The following TLCD4 variants were observed in gnomAD, a reference collection of about 807,000 sequenced individuals.
TLCD4 encodes the protein TLC domain containing 4.
TLCD4 carries 7 observed loss-of-function variants against 24.2 expected under a neutral mutation model. The ratio of observed to expected loss-of-function variants is 0.29; its 90% CI spans 0.16 to 0.54. The LOEUF is 0.54. TLCD4 is among the 20% of genes least tolerant of loss of function. The pLI is 0.95. For missense variants in TLCD4, 259 were observed against 313.9 expected (o/e 0.82, Z 1.32); for synonymous variants, 103 against 106.4 (o/e 0.97, Z 0.20).
At chr1:95,093,010 A>G in the TLCD4 span, among the ~76,000 whole-genome samples, 2 of 152,228 alleles carry the variant, frequency 1.3e-5, no homozygotes, top group Non-Finnish European at 2.9e-5. Context: ...GAGTGCTGGG[A>G]TTACAGGTGT....
intron 1 of TLCD4, chr1:95,125,748 T>C (rs943140299): frequency 3.9e-5 from 6 of 152,208 alleles, no homozygotes; most frequent in Non-Finnish European, 7.3e-5. Context: ...AGGCCAAGGG[T>C]TAAATCAAGA....
chr1:95,092,773 G>A, the TLCD4 span, among the ~76,000 whole-genome samples: 1 of 152,208 alleles, frequency 6.6e-6, no homozygotes, highest in African/African-American at 2.4e-5. Context: ...AAGTCAGTAA[G>A]ACCAAGAACC....
At chr1:95,111,317 AC>A in the TLCD4 span, among the ~76,000 whole-genome samples, 4,955 of 140,072 alleles carry the variant, frequency 0.035, 115 homozygotes, top group Non-Finnish European at 0.055. Flanking sequence ...ACAAAACAAA[AC>A]AAAAAAAAAG....
chr1:95,183,205 A>G (rs906534080), intron 6 of TLCD4, among the ~76,000 whole-genome samples: 8 of 152,234 alleles, frequency 5.3e-5, no homozygotes, highest in African/African-American at 1.9e-4. Context: ...ATAAGAGTCC[A>G]TATTAAGCTG....
Position 95,132,468 on chromosome 1 carries a change from A to G in TLCD4, c.-11-11423A>G, listed in dbSNP as rs577945283. On this transcript the variant is annotated intron_variant, in intron 1 of 6. Coordinates refer to ENST00000370203, the MANE Select transcript of TLCD4 (RefSeq NM_152487.3). The stretch of plus-strand genomic sequence containing the variant: ...TGAGACTCCAACTCAAAAAAAAAAA[A>G]AAAAAAAAAAGTAGTCTCAGATGTT... Among the ~76,000 whole-genome samples, 3 of 151,952 alleles carry G rather than the reference A, an allele frequency of 2.0e-5. No individual in the cohort carries two copies. The East Asian group carries it at 5.8e-4, about 30-fold the overall frequency.
chr1:95,136,243 T>A (rs571262594), intron 1 of TLCD4, among the ~76,000 whole-genome samples: 1 of 152,128 alleles, frequency 6.6e-6, no homozygotes, highest in African/African-American at 2.4e-5. Flanking sequence ...GCCTGAAATT[T>A]GTTTTTTTTT....
At chr1:95,096,884 A>G in the TLCD4 span, among the ~76,000 whole-genome samples, 1 of 152,194 alleles carries the variant, frequency 6.6e-6, no homozygotes, top group Non-Finnish European at 1.5e-5. Flanking sequence ...GGTAGTGGAA[A>G]GCCTACTGGA....
At chr1:95,133,448 C>G (rs1332924378) in intron 1 of TLCD4, among the ~76,000 whole-genome samples, 3 of 151,406 alleles carry the variant, frequency 2.0e-5, no homozygotes, top group African/African-American at 7.3e-5. Flanking sequence ...TAATGTGGAG[C>G]AAAAGATTCC....
chr1:95,166,534 A>G (rs1326907444), intron 5 of TLCD4, among the ~76,000 whole-genome samples: 1 of 152,164 alleles, frequency 6.6e-6, no homozygotes, highest in African/African-American at 2.4e-5. Context: ...GTAAAATAGC[A>G]GTGTTCATTA....
intron 1 of TLCD4, among the ~76,000 whole-genome samples, chr1:95,129,319 A>G (rs1471464078): frequency 6.6e-6 from 1 of 152,218 alleles, no homozygotes; most frequent in Non-Finnish European, 1.5e-5. Flanking sequence ...AATAGAGAAT[A>G]AAAATATAAA....
At chr1:95,149,096 A>G (rs549342268) in intron 3 of TLCD4, among the ~76,000 whole-genome samples, 1 of 152,318 alleles carries the variant, frequency 6.6e-6, no homozygotes, top group African/African-American at 2.4e-5. Context: ...TTCTGAAGAA[A>G]AATAAATCAT....
At chr1:95,126,418 ACT>A (rs35098170) in intron 1 of TLCD4, among the ~76,000 whole-genome samples, 10,971 of 126,472 alleles carry the variant, frequency 0.087, 492 homozygotes, top group Non-Finnish European at 0.11. Flanking sequence ...ACAGAACGAG[ACT>A]CTGTCTCAGG....
Position 95,138,263 on chromosome 1 carries a change from T to A in TLCD4, c.-11-5628T>A, listed in dbSNP as rs571134022. On this transcript the variant is annotated intron_variant, in intron 1 of 6. Coordinates refer to ENST00000370203, the MANE Select transcript of TLCD4 (RefSeq NM_152487.3). ...ACTGGCTATAAGCATGTCTCCCTAT[T>A]TTGTATTCCAGCACAGTGCCTGGCT... 2.6e-5 allele frequency: 4 copies of A among 152,298 alleles called. No homozygotes were observed. The East Asian group carries it at 7.7e-4, about 29-fold the overall frequency. 9.4% of individuals were successfully genotyped at this position (152,298 alleles called of 1,614,324 possible).
At chr1:95,129,856 G>C (rs1676839255) in intron 1 of TLCD4, among the ~76,000 whole-genome samples, 2 of 152,272 alleles carry the variant, frequency 1.3e-5, no homozygotes, top group Middle Eastern at 3.4e-3. Flanking sequence ...GAATATTAGA[G>C]GATTTATAGA....
chr1:95,163,371 A>C (rs1359680477), intron 5 of TLCD4: 1 of 152,052 alleles, frequency 6.6e-6, no homozygotes, highest in East Asian at 1.9e-4. Context: ...GGTCTTCTGT[A>C]TGCTGTTTAT....
intron 5 of TLCD4, among the ~76,000 whole-genome samples, chr1:95,161,383 T>G (rs1677798300): frequency 6.6e-6 from 1 of 152,166 alleles, no homozygotes; most frequent in Non-Finnish European, 1.5e-5. Flanking sequence ...ATCTATTGGA[T>G]TCTTCTCTCT....
At chr1:95,142,596 A>G (rs762924251) in intron 1 of TLCD4, among the ~76,000 whole-genome samples, 1 of 152,108 alleles carries the variant, frequency 6.6e-6, no homozygotes, top group African/African-American at 2.4e-5. Flanking sequence ...TCTAGGGCTT[A>G]AATACCTGCT....
chr1:95,164,821 A>C (rs1430091268), intron 5 of TLCD4: 1 of 152,230 alleles, frequency 6.6e-6, no homozygotes, highest in African/African-American at 2.4e-5. Context: ...ATAGAAAATC[A>C]GTAAAATATT....
intron 1 of TLCD4, chr1:95,140,869 C>T (rs572257927): frequency 2.6e-5 from 4 of 152,160 alleles, no homozygotes; most frequent in Admixed American, 2.0e-4. Context: ...TTTTTCTTGC[C>T]TGATTCATGC....
Sources: allele counts gnomAD v4.1 joint callset (sites outside exome capture counted in the v4.1 genomes callset), GRCh38; gene constraint gnomAD v4.1.1; transcripts MANE v1.5; gene names NCBI Gene and HGNC (gene_info 2026-07-23, HGNC 2026-07-21).